The following GHR variants were observed in gnomAD, a reference collection of about 807,000 sequenced individuals.
The protein encoded by GHR is growth hormone receptor.
A neutral mutation model predicts 67.1 loss-of-function variants in GHR; 35 were observed. The observed-to-expected ratio is 0.52, with a 90% CI of 0.40 to 0.69. The LOEUF is 0.69. Ranked by LOEUF, GHR falls within the 30% of genes least tolerant of loss-of-function variation. The pLI is 0.00. For synonymous variants in GHR, 272 were observed against 269.1 expected (o/e 1.01, Z -0.10); for missense variants, 792 against 764.6 (o/e 1.04, Z -0.42).
intron 3 of GHR, among the ~76,000 whole-genome samples, chr5:42,651,919 T>C (rs1230279218): frequency 6.6e-6 from 1 of 152,152 alleles, no homozygotes; most frequent in Non-Finnish European, 1.5e-5. Context: ...TATCTTAAAA[T>C]ATTTGGGGGC....
chr5:42,637,172 TTTAG>T (rs1754238770), intron 3 of GHR, among the ~76,000 whole-genome samples: 1 of 152,172 alleles, frequency 6.6e-6, no homozygotes, highest in Non-Finnish European at 1.5e-5. Flanking sequence ...TTGTGTTTAC[TTTAG>T]GGCTACAGTG....
At chr5:42,454,995 G>A (rs908130195) in intron 1 of GHR, among the ~76,000 whole-genome samples, 3 of 152,080 alleles carry the variant, frequency 2.0e-5, no homozygotes, top group African/African-American at 7.2e-5. Context: ...TTCCCTGAGG[G>A]CCCCTGTGAG....
At chr5:42,654,013 C>T (rs181551188) in intron 3 of GHR, among the ~76,000 whole-genome samples, 6 of 152,234 alleles carry the variant, frequency 3.9e-5, no homozygotes, top group Admixed American at 3.9e-4. Context: ...TTGCCAGATA[C>T]ATTAGCTATT....
In GHR at chr5:42,718,939, C is replaced by G. The variant is rs376404414; in HGVS notation, c.1432C>G (p.Pro478Ala). Residue 478 changes from proline (P) to alanine (A), a missense_variant, in exon 10 of 10, where the codon CCA becomes GCA. Physicochemically the swap from Pro to Ala is conservative, Grantham distance 27 (BLOSUM62 -1). Coordinates refer to ENST00000230882, the MANE Select transcript of GHR (RefSeq NM_000163.5). ...HQAAHIQLSN[P>A]SSLSNIDFYA... Reference sequence around the variant, plus strand: ...AGCTGCCCATATTCAGCTAAGCAATCCAAGTTCACTGTCAAACATCGACTT... The same window carrying G: ...AGCTGCCCATATTCAGCTAAGCAATGCAAGTTCACTGTCAAACATCGACTT... The G allele has an allele frequency of 1.1e-5, 17 of 1,613,808 alleles. No individual in the cohort carries two copies. Among genetic ancestry groups the G allele is most frequent in the Non-Finnish European group, 1.4e-5 (17 of 1,179,890 alleles).
At chr5:42,673,533 C>G (rs141869931) in intron 3 of GHR, among the ~76,000 whole-genome samples, 1 of 152,112 alleles carries the variant, frequency 6.6e-6, no homozygotes, top group African/African-American at 2.4e-5. Flanking sequence ...AGGTGCCCAA[C>G]AAAGGTGGAT....
intron 3 of GHR, among the ~76,000 whole-genome samples, chr5:42,651,737 C>A (rs1238507677): frequency 1.3e-5 from 2 of 152,062 alleles, no homozygotes; most frequent in Non-Finnish European, 2.9e-5. Context: ...TTTGGTGAGA[C>A]TTCTGCTATC....
chr5:42,459,198 A>G (rs1274746073), intron 1 of GHR, among the ~76,000 whole-genome samples: 3 of 152,216 alleles, frequency 2.0e-5, no homozygotes, highest in African/African-American at 7.2e-5. Flanking sequence ...ATAAAGACAC[A>G]TGCATATGTA....
At chr5:42,684,942 T>TTTA (rs561146536) in intron 3 of GHR, among the ~76,000 whole-genome samples, 24 of 151,820 alleles carry the variant, frequency 1.6e-4, no homozygotes, top group Non-Finnish European at 2.7e-4. Context: ...TATTTTTCTT[T>TTTA]TTATTATTAT....
chr5:42,623,771 G>A (rs940904162), intron 2 of GHR, among the ~76,000 whole-genome samples: 7 of 152,172 alleles, frequency 4.6e-5, no homozygotes, highest in African/African-American at 1.4e-4. Flanking sequence ...GCATTTAAAA[G>A]TGCCTATTTA....
chr5:42,692,515 TTAAAA>T (rs1156504181), intron 4 of GHR, among the ~76,000 whole-genome samples: 2 of 152,178 alleles, frequency 1.3e-5, no homozygotes, highest in African/African-American at 4.8e-5. Context: ...ATTTAATAGT[TTAAAA>T]TATAAGTTAT....
rs764384040 is a variant in GHR at position 42,711,232 on chromosome 5, T to C, written c.644T>C (p.Val215Ala). The C allele has an allele frequency of 1.2e-6, 2 of 1,613,412 alleles. No individual in the cohort carries two copies. Among genetic ancestry groups the C allele is most frequent in the South Asian group, 2.2e-5 (2 of 91,074 alleles). Reference protein sequence around the residue: ...KMMDPILTTSVPVYSLKVDKE... With the variant: ...KMMDPILTTSAPVYSLKVDKE... ...ATGGACCCTATATTGACAACATCAG[T>C]TCCAGTGTACTCATTGAAAGTGGAT... The change falls in exon 7 of 10, where the codon GTT (valine) becomes GCT (alanine). Residue 215 changes from valine (V) to alanine (A), a missense_variant. By Grantham distance (64) the Val-to-Ala change is moderately conservative. Transcript: ENST00000230882.
At chr5:42,611,798 G>C (rs1752904472) in intron 2 of GHR, among the ~76,000 whole-genome samples, 1 of 152,128 alleles carries the variant, frequency 6.6e-6, no homozygotes, top group South Asian at 2.1e-4. Context: ...AGTCCTGCAG[G>C]TACCAGTTCC....
At chr5:42,576,750 T>C (rs1250567942) in intron 2 of GHR, among the ~76,000 whole-genome samples, 1 of 152,228 alleles carries the variant, frequency 6.6e-6, no homozygotes, top group Non-Finnish European at 1.5e-5. Context: ...GTTGTAAGAA[T>C]CAGTGTTTAA....
At chr5:42,551,405 G>A (rs943512985) in intron 1 of GHR, among the ~76,000 whole-genome samples, 45 of 152,200 alleles carry the variant, frequency 3.0e-4, no homozygotes, top group African/African-American at 1.1e-3. Context: ...AGGGTAGGTA[G>A]AGTCCTGATT....
Position 42,718,959 on chromosome 5 carries a change from C to T in GHR, c.1452C>T (p.Ile484=), listed in dbSNP as rs778616140. 6.8e-6 allele frequency: 11 copies of T among 1,613,326 alleles called. No individual in the cohort carries two copies. The highest frequency in any genetic ancestry group is 2.7e-5 in the African/African-American group (2 of 74,880). ...QLSNPSSLSN[I]DFYAQVSDIT... is the part of the protein sequence containing the mutation. ...GCAATCCAAGTTCACTGTCAAACAT[C>T]GACTTTTATGCCCAGGTGAGCGACA... The change falls in exon 10 of 10, where the codon ATC becomes ATT. Residue 484 remains isoleucine (I), a synonymous_variant. Transcript: ENST00000230882.
chr5:42,570,979 A>G (rs1750271821), intron 2 of GHR, among the ~76,000 whole-genome samples: 1 of 152,236 alleles, frequency 6.6e-6, no homozygotes, highest in Admixed American at 6.5e-5. Context: ...GGGGATGTTA[A>G]GAAGACAGAA....
At chr5:42,495,456 T>G (rs1428876320) in intron 1 of GHR, among the ~76,000 whole-genome samples, 1 of 152,136 alleles carries the variant, frequency 6.6e-6, no homozygotes, top group Non-Finnish European at 1.5e-5. Context: ...TAGTGGGTTA[T>G]TAACAGTGGT....
chr5:42,548,915 A>G (rs778676160), intron 1 of GHR, among the ~76,000 whole-genome samples: 20 of 152,238 alleles, frequency 1.3e-4, no homozygotes, highest in Non-Finnish European at 2.5e-4. Context: ...GAGCAGATAC[A>G]TTTTGAGAAA....
chr5:42,560,373 T>G (rs1371134404), intron 1 of GHR, among the ~76,000 whole-genome samples: 2 of 152,144 alleles, frequency 1.3e-5, no homozygotes, highest in Non-Finnish European at 2.9e-5. Flanking sequence ...TTTGTATTTT[T>G]GGTAGAGACG....
Sources: allele counts gnomAD v4.1 joint callset (sites outside exome capture counted in the v4.1 genomes callset), GRCh38; gene constraint gnomAD v4.1.1; transcripts MANE v1.5; gene names NCBI Gene and HGNC (gene_info 2026-07-23, HGNC 2026-07-21).